RAD52: variants seen among roughly 807,000 people sequenced by gnomAD.
The protein encoded by RAD52 is DNA repair protein RAD52 homolog.
RAD52 carries 47 observed loss-of-function variants against 55.5 expected under a neutral mutation model. That is an observed-to-expected ratio of 0.85 (90% CI 0.67 to 1.08). RAD52 has a LOEUF of 1.08. Among genes scored for constraint, RAD52 ranks in the 50% least tolerant of loss-of-function variants. RAD52 has a pLI of 0.00. For missense variants in RAD52, 468 were observed against 522.8 expected (o/e 0.90, Z 1.02); for synonymous variants, 184 against 198.9 (o/e 0.92, Z 0.63).
chr12:970,213 G>GA (rs1239303874), intron 1 of RAD52, among the ~76,000 whole-genome samples: 12 of 151,500 alleles, frequency 7.9e-5, no homozygotes, highest in Admixed American at 5.9e-4. Context: ...TGGGGCAGGG[G>GA]GGTGCTGAGG....
At chr12:945,258 CA>C (rs1958149085) in intron 1 of RAD52, among the ~76,000 whole-genome samples, 1 of 150,742 alleles carries the variant, frequency 6.6e-6, no homozygotes, top group Non-Finnish European at 1.5e-5. Flanking sequence ...GGCTAAGGCA[CA>C]AGAATCGCTT....
chr12:923,933 C>T (rs1956877730), intron 7 of RAD52, among the ~76,000 whole-genome samples: 1 of 151,740 alleles, frequency 6.6e-6, no homozygotes, highest in African/African-American at 2.4e-5. Flanking sequence ...GTGGCTGGCA[C>T]CTGTAGTCCC....
upstream of RAD52, among the ~76,000 whole-genome samples, chr12:954,000 A>T (rs184360919): frequency 6.6e-6 from 1 of 152,314 alleles, no homozygotes; most frequent in Admixed American, 6.5e-5. Flanking sequence ...CACCCCTGCC[A>T]ATTCTTGACA....
intron 1 of RAD52, among the ~76,000 whole-genome samples, chr12:970,538 CT>C (rs988892207): frequency 1.6e-4 from 25 of 152,086 alleles, no homozygotes; most frequent in African/African-American, 5.8e-4. Context: ...TCCTAAGATT[CT>C]TTTTTCAGTT....
chr12:921,345 G>A (rs913890101), intron 7 of RAD52, among the ~76,000 whole-genome samples: 1 of 152,168 alleles, frequency 6.6e-6, no homozygotes, highest in Non-Finnish European at 1.5e-5. Flanking sequence ...GGTTTCTCAC[G>A]CCTGTTATCC....
chr12:960,972 C>G (rs1045308102), intron 1 of RAD52, among the ~76,000 whole-genome samples: 2 of 151,900 alleles, frequency 1.3e-5, no homozygotes, highest in African/African-American at 4.8e-5. Context: ...ACACTGAGTC[C>G]TGAGCACTCC....
intron 6 of RAD52, among the ~76,000 whole-genome samples, chr12:925,968 C>T: frequency 6.6e-6 from 1 of 152,130 alleles, no homozygotes; most frequent in Non-Finnish European, 1.5e-5. Flanking sequence ...ACGGACTCCC[C>T]CACAGAACTC....
intron 5 of RAD52, among the ~76,000 whole-genome samples, chr12:929,171 T>C (rs995219195): frequency 6.6e-5 from 10 of 152,090 alleles, no homozygotes; most frequent in African/African-American, 2.4e-4. Context: ...TAGCCAAACT[T>C]TCAACCATAA....
intron 1 of RAD52, among the ~76,000 whole-genome samples, chr12:960,399 G>T (rs1321624521): frequency 6.6e-6 from 1 of 152,180 alleles, no homozygotes; most frequent in Non-Finnish European, 1.5e-5. Context: ...TTGAGTAACC[G>T]AGTAAATGTT....
At chr12:921,872 A>G (rs552684867) in intron 7 of RAD52, among the ~76,000 whole-genome samples, 3 of 152,154 alleles carry the variant, frequency 2.0e-5, no homozygotes, top group Non-Finnish European at 2.9e-5. Context: ...TTGGGAGGCC[A>G]AGGCGGGCGG....
At chr12:980,507 T>C (rs994735995) in intron 1 of RAD52, among the ~76,000 whole-genome samples, 2 of 151,862 alleles carry the variant, frequency 1.3e-5, no homozygotes, top group African/African-American at 4.8e-5. Context: ...TTGGCCAGGC[T>C]GGTCTCGAAC....
chr12:939,192 C>T (rs1324237038), intron 1 of RAD52, among the ~76,000 whole-genome samples: 1 of 151,866 alleles, frequency 6.6e-6, no homozygotes, highest in Non-Finnish European at 1.5e-5. Context: ...GACAGTCTCG[C>T]TGTGCCACCC....
chr12:971,126 G>A (rs1322931582), intron 1 of RAD52, among the ~76,000 whole-genome samples: 1 of 152,112 alleles, frequency 6.6e-6, no homozygotes, highest in Non-Finnish European at 1.5e-5. Flanking sequence ...AAGCTCCTTT[G>A]GTTGGAGAAG....
intron 10 of RAD52, 91 bp from the exon 11 acceptor site, chr12:914,212 T>G: frequency 7.5e-7 from 1 of 1,329,446 alleles, no homozygotes; most frequent in Non-Finnish European, 1.0e-6. Context: ...AAATTCCATG[T>G]CTTCAGTACC....
At chr12:932,423 G>T (rs781204948) in intron 2 of RAD52, among the ~76,000 whole-genome samples, 1 of 151,960 alleles carries the variant, frequency 6.6e-6, no homozygotes, top group Non-Finnish European at 1.5e-5. Flanking sequence ...TGAATCCAGA[G>T]GGTGGAAGTT....
intron 1 of RAD52, among the ~76,000 whole-genome samples, chr12:956,649 C>A (rs1302861055): frequency 1.3e-5 from 2 of 152,108 alleles, no homozygotes; most frequent in Non-Finnish European, 2.9e-5. Flanking sequence ...CGGGCTCAAG[C>A]GATCTTCCTG....
At chr12:939,181 A>G (rs1957796939) in intron 1 of RAD52, among the ~76,000 whole-genome samples, 1 of 151,512 alleles carries the variant, frequency 6.6e-6, no homozygotes, top group South Asian at 2.1e-4. Flanking sequence ...TTTTTTTTTG[A>G]GACAGTCTCG....
chr12:925,334 G>T, intron 7 of RAD52, 116 bp downstream of exon 7: 1 of 833,644 alleles, frequency 1.2e-6, no homozygotes, highest in South Asian at 1.5e-5. Context: ...CAACATTCCC[G>T]ACCCTCTAAA....
At chr12:915,077 T>C (rs1376548279) in intron 9 of RAD52, among the ~76,000 whole-genome samples, 8 of 152,178 alleles carry the variant, frequency 5.3e-5, no homozygotes, top group Admixed American at 1.3e-4. Context: ...AAAGCTGCAG[T>C]GAACCCTGAT....
Sources: allele counts gnomAD v4.1 joint callset (sites outside exome capture counted in the v4.1 genomes callset), GRCh38; gene constraint gnomAD v4.1.1; transcripts MANE v1.5; gene names NCBI Gene and HGNC (gene_info 2026-07-23, HGNC 2026-07-21).